The following ADAMTSL1 variants were observed in gnomAD, a reference collection of about 807,000 sequenced individuals.
The protein encoded by ADAMTSL1 is ADAMTS-like protein 1.
In ADAMTSL1, 126 loss-of-function variants were observed where a neutral mutation model predicts 201.8. The ratio of observed to expected loss-of-function variants is 0.62; its 90% CI spans 0.54 to 0.72. ADAMTSL1 has a LOEUF of 0.72. ADAMTSL1 is among the 30% of genes least tolerant of loss of function. The pLI, the probability that ADAMTSL1 is intolerant of heterozygous loss-of-function variation, is 0.00. For missense variants in ADAMTSL1, 2,679 were observed against 2,277.8 expected (o/e 1.18, Z -3.59); for synonymous variants, 1,121 against 903.4 (o/e 1.24, Z -4.32).
At chr9:17,947,217 G>C (rs1335308934) in intron 1 of ADAMTSL1, among the ~76,000 whole-genome samples, 1 of 150,812 alleles carries the variant, frequency 6.6e-6, no homozygotes, top group Non-Finnish European at 1.5e-5. Context: ...TAAAAACACA[G>C]TCTGTTAAAC....
At chr9:18,774,476 A>T (rs1343188419) in intron 17 of ADAMTSL1, among the ~76,000 whole-genome samples, 1 of 151,970 alleles carries the variant, frequency 6.6e-6, no homozygotes, top group Non-Finnish European at 1.5e-5. Flanking sequence ...GTTTCTCTGC[A>T]CCCACCCAGA....
At chr9:18,846,173 C>T (rs1335745849) in intron 23 of ADAMTSL1, among the ~76,000 whole-genome samples, 1 of 152,156 alleles carries the variant, frequency 6.6e-6, no homozygotes, top group Non-Finnish European at 1.5e-5. Flanking sequence ...GTACTGAGGA[C>T]ACAGTAATAA....
chr9:18,701,554 T>TA (rs1377902094), intron 13 of ADAMTSL1, among the ~76,000 whole-genome samples: 1 of 152,188 alleles, frequency 6.6e-6, no homozygotes, highest in Non-Finnish European at 1.5e-5. Flanking sequence ...TTATTCAGTT[T>TA]ATTCCCTTCT....
intron 1 of ADAMTSL1, among the ~76,000 whole-genome samples, chr9:18,065,392 CTCAAAGT>C (rs941135093): frequency 6.6e-6 from 1 of 152,158 alleles, no homozygotes; most frequent in Non-Finnish European, 1.5e-5. Flanking sequence ...TTACTCTCTT[CTCAAAGT>C]TCAATCATTT....
intron 4 of ADAMTSL1, among the ~76,000 whole-genome samples, chr9:18,614,108 A>T (rs1452991587): frequency 3.3e-5 from 5 of 152,180 alleles, no homozygotes; most frequent in African/African-American, 1.2e-4. Flanking sequence ...CAGCAAAGAG[A>T]CTGAGCCAGA....
intron 4 of ADAMTSL1, among the ~76,000 whole-genome samples, chr9:18,615,025 G>T (rs1043579403): frequency 6.6e-6 from 1 of 152,096 alleles, no homozygotes; most frequent in Non-Finnish European, 1.5e-5. Flanking sequence ...TACAGTAAGG[G>T]TCAGGATTCA....
chr9:18,616,341 C>T (rs897130032), intron 4 of ADAMTSL1, among the ~76,000 whole-genome samples: 2 of 152,162 alleles, frequency 1.3e-5, no homozygotes, highest in Non-Finnish European at 2.9e-5. Context: ...TTGCTTTTAT[C>T]AAATGTCCCC....
chr9:17,945,532 C>A (rs1321684988), intron 1 of ADAMTSL1, among the ~76,000 whole-genome samples: 1 of 151,914 alleles, frequency 6.6e-6, no homozygotes, highest in African/African-American at 2.4e-5. Flanking sequence ...TTTATTGCGG[C>A]ATTATTCACA....
chr9:18,885,900 G>A (rs1267854426), intron 23 of ADAMTSL1, among the ~76,000 whole-genome samples: 1 of 151,886 alleles, frequency 6.6e-6, no homozygotes. Context: ...ACCTCTCTAG[G>A]CCTCTGTTTC....
At chr9:18,212,553 T>C (rs994292938) in intron 2 of ADAMTSL1, among the ~76,000 whole-genome samples, 9 of 152,212 alleles carry the variant, frequency 5.9e-5, no homozygotes, top group African/African-American at 1.2e-4. Flanking sequence ...GGCTGAAGTG[T>C]AGTTTTAAAA....
At chr9:18,093,780 C>T (rs1008649072) in intron 1 of ADAMTSL1, among the ~76,000 whole-genome samples, 2 of 152,088 alleles carry the variant, frequency 1.3e-5, no homozygotes, top group African/African-American at 4.8e-5. Context: ...AATCACTTTC[C>T]ACTGAGGAAG....
At chr9:18,894,519 C>T (rs984689817) in intron 26 of ADAMTSL1, among the ~76,000 whole-genome samples, 11 of 151,814 alleles carry the variant, frequency 7.2e-5, no homozygotes, top group Non-Finnish European at 7.4e-5. Context: ...AAGCGTGATT[C>T]GCATGGCTTC....
At chr9:18,681,710 C>T (rs866306982) in intron 11 of ADAMTSL1, 102 bp from the exon 12 acceptor site, 8 of 329,028 alleles carry the variant, frequency 2.4e-5, no homozygotes, top group Admixed American at 8.1e-5. Flanking sequence ...GGGGGGGGGG[C>T]GGGGAAAAAG....
chr9:17,908,072 T>C (rs939953156), intron 1 of ADAMTSL1, among the ~76,000 whole-genome samples: 2 of 152,174 alleles, frequency 1.3e-5, no homozygotes, highest in Admixed American at 6.5e-5. Flanking sequence ...GGTGCACTTC[T>C]AGAGGCTGAG....
intron 2 of ADAMTSL1, among the ~76,000 whole-genome samples, chr9:18,446,958 A>T (rs1417803853): frequency 6.7e-6 from 1 of 149,536 alleles, no homozygotes; most frequent in African/African-American, 2.6e-5. Flanking sequence ...TAAAATTTCA[A>T]ATTAACATGA....
chr9:18,753,523 T>G lies in ADAMTSL1; in HGVS notation c.2217+15T>G. The G allele has an allele frequency of 6.2e-7, 1 of 1,602,396 alleles. No individual in the cohort carries two copies. On this transcript the variant is annotated intron_variant, in intron 16 of 28. Coordinates refer to ENST00000380548, the MANE Select transcript of ADAMTSL1 (RefSeq NM_001040272.6). ...AGTGGCAGCCGGTGAGTTCTGAAGT[T>G]ACTCAATATTGGAGCTTTTGTTTGC...
chr9:18,407,306 T>C (rs1763995274), intron 2 of ADAMTSL1, among the ~76,000 whole-genome samples: 1 of 152,148 alleles, frequency 6.6e-6, no homozygotes, highest in African/African-American at 2.4e-5. Flanking sequence ...TGAGAAGAAA[T>C]AGAATGTGTG....
At chr9:18,210,480 T>G (rs1443195762) in intron 2 of ADAMTSL1, among the ~76,000 whole-genome samples, 1 of 147,140 alleles carries the variant, frequency 6.8e-6, no homozygotes, top group East Asian at 1.9e-4. Context: ...ATATGATATA[T>G]AAATAAATAT....
At chr9:18,023,020 TTG>T (rs889513563) in intron 1 of ADAMTSL1, among the ~76,000 whole-genome samples, 14 of 152,118 alleles carry the variant, frequency 9.2e-5, no homozygotes, top group Non-Finnish European at 1.6e-4. Flanking sequence ...TAAACATTTT[TTG>T]TGTGTGTTTG....
Sources: gnomAD v4.1 joint callset for allele counts (sites outside exome capture counted in the v4.1 genomes callset) on GRCh38, gnomAD v4.1.1 for gene constraint, MANE v1.5 for transcripts, NCBI Gene and HGNC (gene_info 2026-07-23, HGNC 2026-07-21) for gene names.